PRR33: variants seen among roughly 807,000 people sequenced by gnomAD.
PRR33 encodes proline-rich protein 33.
PRR33 carries 1 observed loss-of-function variant against 0.5 expected under a neutral mutation model. The observed-to-expected ratio is 2.18, with a 90% CI of 0.77 to 10.34. PRR33 has a LOEUF of 10.34. Ranked by LOEUF, PRR33 falls within the 30% of genes most tolerant of loss-of-function variation. The pLI is 0.13. For synonymous variants in PRR33, 226 were observed against 110.0 expected (o/e 2.06, Z -6.60); for missense variants, 552 against 251.8 (o/e 2.19, Z -8.07).
the PRR33 span, among the ~76,000 whole-genome samples, chr11:1,914,007 T>C: frequency 1.3e-5 from 2 of 152,220 alleles, no homozygotes; most frequent in African/African-American, 4.8e-5. Flanking sequence ...TTGGTGCTCC[T>C]GGGGGGCCTT....
At chr11:1,915,058 GTA>G in the PRR33 span, among the ~76,000 whole-genome samples, 1 of 149,558 alleles carries the variant, frequency 6.7e-6, no homozygotes, top group Non-Finnish European at 1.5e-5. Context: ...GTGTGTGTGT[GTA>G]TGTGTTATGG....
At chr11:1,911,803 G>A in the PRR33 span, among the ~76,000 whole-genome samples, 1 of 152,078 alleles carries the variant, frequency 6.6e-6, no homozygotes, top group East Asian at 1.9e-4. Flanking sequence ...GTCTTTACAT[G>A]CTTTATGTGT....
At chr11:1,894,992 G>A (rs555908641), upstream of PRR33, among the ~76,000 whole-genome samples, 31 of 152,240 alleles carry the variant, frequency 2.0e-4, no homozygotes, top group African/African-American at 6.3e-4. Flanking sequence ...CGTGTCTCCC[G>A]GCACCAGGGG....
the PRR33 span, among the ~76,000 whole-genome samples, chr11:1,899,556 A>G: frequency 1.3e-5 from 2 of 152,128 alleles, no homozygotes; most frequent in African/African-American, 2.4e-5. Flanking sequence ...TCTATATAGG[A>G]CTTCCAGGGA....
At chr11:1,893,101 G>C (rs372673585), upstream of PRR33, among the ~76,000 whole-genome samples, 12 of 140,376 alleles carry the variant, frequency 8.5e-5, no homozygotes, top group Middle Eastern at 7.7e-3. Flanking sequence ...GTGGAGGGAT[G>C]GGTGAGTGGA....
the PRR33 span, among the ~76,000 whole-genome samples, chr11:1,917,276 G>T: frequency 4.3e-4 from 66 of 152,278 alleles, no homozygotes; most frequent in Non-Finnish European, 6.5e-4. Context: ...CCAACCATGC[G>T]CACTGGGTGC....
chr11:1,904,525 T>G, the PRR33 span, among the ~76,000 whole-genome samples: 1 of 149,320 alleles, frequency 6.7e-6, no homozygotes, highest in Non-Finnish European at 1.5e-5. Context: ...CAAGACTCTA[T>G]CTCAAAAAAG....
chr11:1,914,250 G>GTA, the PRR33 span, among the ~76,000 whole-genome samples: 220 of 149,812 alleles, frequency 1.5e-3, no homozygotes, highest in Non-Finnish European at 2.7e-3. Context: ...TGTGTTGTAG[G>GTA]GTCACACATC....
chr11:1,907,072 G>T, the PRR33 span, among the ~76,000 whole-genome samples: 2 of 152,240 alleles, frequency 1.3e-5, no homozygotes, highest in African/African-American at 2.4e-5. Context: ...TGTTGTGCAC[G>T]GCCCACGTGT....
chr11:1,889,444 C>T (rs1701162810), exon 1 of PRR33: 2 of 650,160 alleles, frequency 3.1e-6, no homozygotes, highest in Non-Finnish European at 5.7e-6. Flanking sequence ...ACCTCCTGCT[C>T]TGTGGGGGCA....
At chr11:1,905,433 CT>C in the PRR33 span, among the ~76,000 whole-genome samples, 17,804 of 97,844 alleles carry the variant, frequency 0.18, 1,499 homozygotes, top group South Asian at 0.32. Context: ...GGCCTTCTCT[CT>C]TTTTTTTTTT....
the PRR33 span, among the ~76,000 whole-genome samples, chr11:1,916,258 C>T: frequency 6.6e-6 from 1 of 152,112 alleles, no homozygotes; most frequent in African/African-American, 2.4e-5. Context: ...GAGCAGCACC[C>T]CAGACTCTGA....
the PRR33 span, among the ~76,000 whole-genome samples, chr11:1,904,414 A>G: frequency 6.6e-6 from 1 of 152,094 alleles, no homozygotes; most frequent in East Asian, 2.0e-4. Context: ...CTGTAATCCC[A>G]GCTACTCCAG....
the PRR33 span, among the ~76,000 whole-genome samples, chr11:1,908,903 G>T: frequency 6.6e-6 from 1 of 152,230 alleles, no homozygotes; most frequent in African/African-American, 2.4e-5. Flanking sequence ...GGAGATAAAG[G>T]AAGTGCTTAT....
At chr11:1,914,000 G>A in the PRR33 span, among the ~76,000 whole-genome samples, 3 of 152,222 alleles carry the variant, frequency 2.0e-5, no homozygotes, top group Non-Finnish European at 4.4e-5. Flanking sequence ...TGTCCATTTG[G>A]TGCTCCTGGG....
chr11:1,890,882 C>G, exon 1 of PRR33: 1 of 422,646 alleles, frequency 2.4e-6, no homozygotes, highest in East Asian at 3.8e-5. Context: ...GCCACCCCAG[C>G]ACAAAGCAGG....
At chr11:1,888,131 A>G (rs1848832943) in exon 1 of PRR33, among the ~76,000 whole-genome samples, 2 of 152,028 alleles carry the variant, frequency 1.3e-5, no homozygotes, top group African/African-American at 4.8e-5. Flanking sequence ...CTCCATTTCC[A>G]GCACCCATCA....
chr11:1,890,157 G>T (rs142299714), exon 1 of PRR33: 1 of 717,126 alleles, frequency 1.4e-6, no homozygotes, highest in Non-Finnish European at 2.6e-6. Context: ...GAATTGAGCA[G>T]CTAGAATCCT....
the PRR33 span, among the ~76,000 whole-genome samples, chr11:1,915,092 CTCTGTG>C: frequency 2.3e-5 from 3 of 131,486 alleles, no homozygotes; most frequent in Non-Finnish European, 3.2e-5. Flanking sequence ...TGGGATGTTT[CTCTGTG>C]TCTGTGTGTT....
Sources: allele counts gnomAD v4.1 joint callset (sites outside exome capture counted in the v4.1 genomes callset), GRCh38; gene constraint gnomAD v4.1.1; transcripts MANE v1.5; gene names NCBI Gene and HGNC (gene_info 2026-07-23, HGNC 2026-07-21).